CIB4: variants seen among roughly 807,000 people sequenced by gnomAD.
CIB4 encodes the protein calcium and integrin binding family member 4.
In CIB4, 25 loss-of-function variants were observed where a neutral mutation model predicts 25.8. The observed-to-expected ratio is 0.97, with a 90% CI of 0.71 to 1.35. CIB4 has a LOEUF of 1.35. Ranked by LOEUF, CIB4 falls within the 40% of genes most tolerant of loss-of-function variation. CIB4 has a pLI of 0.00. For synonymous variants in CIB4, 75 were observed against 81.4 expected, an observed-to-expected ratio of 0.92 and a Z score of 0.42; for missense variants, 235 against 228.2, an observed-to-expected ratio of 1.03 and a Z score of -0.19.
chr2:26,641,334 C>T lies in CIB4; in HGVS notation c.-20G>A. 1.2e-6 allele frequency: 2 copies of T among 1,611,262 alleles called. No homozygotes were observed. The highest frequency in any genetic ancestry group is 1.7e-6 in the Non-Finnish European group (2 of 1,177,468). ...CCCCATGCCAACCACACCTTTCTGT[C>T]TGCCAGCAGTAGAACCTCAGCCTCA... On this transcript the variant is annotated 5_prime_UTR_variant, in exon 1 of 7. Coordinates refer to ENST00000288861, the MANE Select transcript of CIB4 (RefSeq NM_001029881.3).
intron 3 of CIB4, among the ~76,000 whole-genome samples, chr2:26,601,805 C>T (rs181495454): frequency 1.3e-5 from 2 of 152,108 alleles, no homozygotes; most frequent in South Asian, 4.1e-4. Flanking sequence ...TGGAATACTA[C>T]TCAGCAATAA....
intron 3 of CIB4, among the ~76,000 whole-genome samples, chr2:26,622,810 C>T (rs1022465714): frequency 6.6e-6 from 1 of 152,008 alleles, no homozygotes; most frequent in African/African-American, 2.4e-5. Flanking sequence ...TGGAGAAACC[C>T]TATCTCTACT....
intron 3 of CIB4, among the ~76,000 whole-genome samples, chr2:26,598,126 C>T (rs1373718129): frequency 6.6e-6 from 1 of 151,778 alleles, no homozygotes; most frequent in Non-Finnish European, 1.5e-5. Flanking sequence ...ATGACGAAAC[C>T]CCATCTCAAC....
chr2:26,605,636 C>T, intron 3 of CIB4: 2 of 457,388 alleles, frequency 4.4e-6, no homozygotes, highest in South Asian at 1.6e-5. Flanking sequence ...CAGAAGGTGG[C>T]AGTGTTGGGT....
intron 3 of CIB4, among the ~76,000 whole-genome samples, chr2:26,614,855 C>G (rs1169979641): frequency 6.6e-6 from 1 of 152,212 alleles, no homozygotes; most frequent in Non-Finnish European, 1.5e-5. Flanking sequence ...TGCCCGGAAG[C>G]CTGAACTCCT....
At chr2:26,632,531 C>T (rs973142217) in intron 2 of CIB4, among the ~76,000 whole-genome samples, 3 of 152,078 alleles carry the variant, frequency 2.0e-5, no homozygotes, top group South Asian at 2.1e-4. Context: ...CTGAGGCAGG[C>T]GGATCACTGG....
Position 26,589,095 on chromosome 2 carries a change from CTT to C in CIB4, c.329-5199_329-5198del, listed in dbSNP as rs1668528909. ...TCCTCTTCTTCTTCTTCTTCTTCTT[CTT>C]CTTCTTCTTCCTCTTCTTCTTCTTC... On this transcript the variant is annotated intron_variant, in intron 4 of 6. Coordinates refer to ENST00000288861, the MANE Select transcript of CIB4 (RefSeq NM_001029881.3). Among the ~76,000 whole-genome samples the C allele has an allele frequency of 3.4e-5, 4 of 116,216 alleles. 1 individual carries two copies. Among genetic ancestry groups the C allele is most frequent in the African/African-American group, 1.2e-4 (3 of 25,028 alleles). The allele number at this position is 116,216 out of a possible 152,430, so 76.2% of individuals were successfully genotyped here. A position where few individuals can be genotyped will look rare whatever the true frequency, so the allele number is the denominator to read the frequency against.
At chr2:26,616,143 G>A (rs1003609879) in intron 3 of CIB4, among the ~76,000 whole-genome samples, 4 of 152,214 alleles carry the variant, frequency 2.6e-5, no homozygotes, top group Admixed American at 6.5e-5. Context: ...TCCTCAAACA[G>A]TTACCTTGAG....
At chr2:26,628,059 A>T (rs1288335240) in intron 3 of CIB4, among the ~76,000 whole-genome samples, 1 of 152,198 alleles carries the variant, frequency 6.6e-6, no homozygotes, top group Non-Finnish European at 1.5e-5. Context: ...AACAATGACA[A>T]ACTGAAGTCA....
chr2:26,626,449 T>C (rs1275441278), intron 3 of CIB4, among the ~76,000 whole-genome samples: 1 of 151,220 alleles, frequency 6.6e-6, no homozygotes, highest in Non-Finnish European at 1.5e-5. Flanking sequence ...TGTATATATC[T>C]GCATAGAAAA....
At chr2:26,618,932 G>A (rs1306117259) in intron 3 of CIB4, among the ~76,000 whole-genome samples, 1 of 152,178 alleles carries the variant, frequency 6.6e-6, no homozygotes, top group Non-Finnish European at 1.5e-5. Flanking sequence ...GACCATCTGG[G>A]CCCCAGCTTT....
chr2:26,617,159 T>A (rs944487810), intron 3 of CIB4, among the ~76,000 whole-genome samples: 1 of 130,860 alleles, frequency 7.6e-6, no homozygotes, highest in African/African-American at 2.7e-5. Context: ...CACGTGAGCG[T>A]GGGTGGGCAT....
Position 26,601,227 on chromosome 2 carries a change from AAAAAATATAT to A in CIB4, c.187-5920_187-5911del, listed in dbSNP as rs1185677544. ...AGAGTGAGACCATGTCAAAAAAAAA[AAAAAATATAT>A]ATATATATATATATATATATATATA... On this transcript the variant is annotated intron_variant, in intron 3 of 6. Coordinates refer to ENST00000288861, the MANE Select transcript of CIB4 (RefSeq NM_001029881.3). Among the ~76,000 whole-genome samples the A allele has an allele frequency of 4.8e-3, 214 of 44,378 alleles. 12 individuals are homozygous for A. The highest frequency in any genetic ancestry group is 0.013 in the African/African-American group (179 of 13,516). 29.1% of individuals were successfully genotyped at this position (44,378 alleles called of 152,430 possible). A position where few individuals can be genotyped will look rare whatever the true frequency, so the allele number is the denominator to read the frequency against.
chr2:26,589,497 T>C (rs920233517), intron 4 of CIB4, among the ~76,000 whole-genome samples: 6 of 152,092 alleles, frequency 3.9e-5, no homozygotes, highest in Non-Finnish European at 8.8e-5. Context: ...AGTTTTTGTA[T>C]TTTTAGTAGA....
intron 2 of CIB4, among the ~76,000 whole-genome samples, chr2:26,634,866 C>G (rs114076164): frequency 6.6e-6 from 1 of 152,180 alleles, no homozygotes; most frequent in Non-Finnish European, 1.5e-5. Context: ...CCCACCCCAC[C>G]CAAGAGAGTG....
At chr2:26,618,549 C>T (rs1669139625) in intron 3 of CIB4, among the ~76,000 whole-genome samples, 1 of 152,218 alleles carries the variant, frequency 6.6e-6, no homozygotes, top group African/African-American at 2.4e-5. Flanking sequence ...ATCCTCCCAC[C>T]TCGACCTCCT....
intron 3 of CIB4, among the ~76,000 whole-genome samples, chr2:26,599,893 T>C (rs113963224): frequency 0.093 from 12,942 of 138,744 alleles, 909 homozygotes; most frequent in African/African-American, 0.16. Flanking sequence ...GCCAACATGG[T>C]GAAATCCTGT....
At chr2:26,636,431 T>C (rs1340386975) in intron 2 of CIB4, among the ~76,000 whole-genome samples, 2 of 152,212 alleles carry the variant, frequency 1.3e-5, no homozygotes, top group African/African-American at 4.8e-5. Context: ...ATATGGTATC[T>C]AGATAGATTC....
At chr2:26,630,101 G>A (rs1054421459) in intron 2 of CIB4, among the ~76,000 whole-genome samples, 3 of 152,212 alleles carry the variant, frequency 2.0e-5, no homozygotes, top group African/African-American at 7.2e-5. Flanking sequence ...CCCTGTCAGC[G>A]ATGTCTCTTG....
Sources: gnomAD v4.1 joint callset for allele counts (sites outside exome capture counted in the v4.1 genomes callset) on GRCh38, gnomAD v4.1.1 for gene constraint, MANE v1.5 for transcripts, NCBI Gene and HGNC (gene_info 2026-07-23, HGNC 2026-07-21) for gene names.